CEP152: variants seen among roughly 807,000 people sequenced by gnomAD.
CEP152 encodes centrosomal protein 152.
CEP152 carries 132 observed loss-of-function variants against 188.9 expected under a neutral mutation model. The ratio of observed to expected loss-of-function variants is 0.70; its 90% CI spans 0.61 to 0.81. The LOEUF is 0.81. Ranked by LOEUF, CEP152 falls within the 30% of genes least tolerant of loss-of-function variation. The pLI is 0.00. For synonymous variants in CEP152, 649 were observed against 666.6 expected, an observed-to-expected ratio of 0.97 and a Z score of 0.41; for missense variants, 1,914 against 1,969.8, an observed-to-expected ratio of 0.97 and a Z score of 0.54.
intron 9 of CEP152, among the ~76,000 whole-genome samples, chr15:48,784,638 T>G (rs1896503742): frequency 6.6e-6 from 1 of 152,212 alleles, no homozygotes. Flanking sequence ...TCTGAAATTC[T>G]TTTAAACTTG....
rs754218216 is a variant in CEP152, at chr15:48,738,351, T to G, written c.5031A>C (p.Thr1677=). Reference sequence around the variant, plus strand: ...GCTGCTGACACACTGAAGATGGTAATGTACTGCTCAGTTTTTTGAAATCTG... The same window carrying G: ...GCTGCTGACACACTGAAGATGGTAAGGTACTGCTCAGTTTTTTGAAATCTG... The part of the protein sequence containing the change: ...LKSDFKKLSS[T]LPSSVCQQPS... The change falls in exon 27 of 27, where the codon ACA becomes ACC. Residue 1677 remains threonine (T), a synonymous_variant. Coordinates refer to ENST00000380950, the MANE Select transcript of CEP152 (RefSeq NM_001194998.2). 3.1e-6 allele frequency: 5 copies of G among 1,614,066 alleles called. No individual in the cohort carries two copies. In the African/African-American group the frequency reaches 6.7e-5, roughly 22 times the overall value.
chr15:48,747,361 C>T (rs1893522348), intron 22 of CEP152, among the ~76,000 whole-genome samples: 1 of 152,088 alleles, frequency 6.6e-6, no homozygotes, highest in Non-Finnish European at 1.5e-5. Context: ...ATGTGGTGGG[C>T]ACCATGGCTA....
rs765317927 is a variant in CEP152 at position 48,760,236 on chromosome 15, G to T, written c.2593C>A (p.Arg865=). 44 of 1,613,900 alleles carry T rather than the reference G, an allele frequency of 2.7e-5. No individual in the cohort carries two copies. The highest frequency in any genetic ancestry group is 5.9e-6 in the Non-Finnish European group (7 of 1,179,958). ...VEIAVQNAHQ[R]WLGELPELAE... is the part of the protein sequence containing the mutation. ...AGCTCTGGTAGTTCTCCCAGCCATC[G>T]CTGATGAGCATTTTGCACAGCTATT... Residue 865 remains arginine, a synonymous_variant, in exon 19 of 27, where the codon CGA becomes AGA. Coordinates refer to ENST00000380950, the MANE Select transcript of CEP152 (RefSeq NM_001194998.2).
At chr15:48,752,584 C>T in intron 20 of CEP152, 115 bp from the exon 21 acceptor site, 2 of 1,479,612 alleles carry the variant, frequency 1.4e-6, no homozygotes, top group Non-Finnish European at 1.8e-6. Context: ...AAAATCTTGC[C>T]TGAACTATCT....
intron 10 of CEP152, 68 bp from the exon 11 acceptor site, chr15:48,782,298 A>T: frequency 7.4e-7 from 1 of 1,344,082 alleles, no homozygotes; most frequent in South Asian, 1.2e-5. Flanking sequence ...GATCTACAGA[A>T]GACTTGAATC....
chr15:48,748,526 T>A lies in CEP152; in HGVS notation c.3551A>T (p.Asp1184Val). ...ELEKAKQECQ[D>V]LKGKLEKCCR... ...GCATTTCTCCAGTTTTCCTTTCAGA[T>A]CTTGACATTCCTGCTTTGCCTTTTC... Residue 1184 changes from aspartate (D) to valine (V), a missense_variant, in exon 22 of 27, where the codon GAT becomes GTT. Physicochemically the swap from Asp to Val is radical, Grantham distance 152. Transcript: ENST00000380950. 1 of 1,535,208 alleles carries A rather than the reference T, an allele frequency of 6.5e-7. No individual in the cohort carries two copies. The highest frequency in any genetic ancestry group is 8.7e-7 in the Non-Finnish European group (1 of 1,146,388).
At chr15:48,730,481 T>C (rs1233927207) in intron 2 of CEP152, among the ~76,000 whole-genome samples, 1 of 152,154 alleles carries the variant, frequency 6.6e-6, no homozygotes, top group Non-Finnish European at 1.5e-5. Context: ...TGTGCATATG[T>C]AGGGAAAACC....
chr15:48,745,925 CCAATATAAATGTGAA>C (rs1488805442), intron 22 of CEP152, among the ~76,000 whole-genome samples: 10 of 152,090 alleles, frequency 6.6e-5, no homozygotes, highest in Non-Finnish European at 1.2e-4. Context: ...CCTGGAAATA[CCAATATAAATGTGAA>C]CATGGCATCT....
At position 48,744,310 on chromosome 15, in the gene CEP152, G is replaced by A. The variant is rs1388696036; in HGVS notation, c.3765C>T (p.Cys1255=). 4 of 1,613,952 alleles carry A rather than the reference G, an allele frequency of 2.5e-6. No individual in the cohort carries two copies. In the South Asian group the frequency reaches 4.4e-5, roughly 18 times the overall value. Residue 1255 remains cysteine, a synonymous_variant, in exon 24 of 27, where the codon TGC becomes TGT. Transcript: ENST00000380950. ...CCAAGGCTCCCCCACTGCATGGCAG[G>A]CAAGCATTTTCAATGGCCCCTGCTG... ...SLSAGAIENA[C]LPCSGGALEE... is the part of the protein sequence containing the mutation.
At chr15:48,770,174 T>C (rs1050569835) in intron 13 of CEP152, among the ~76,000 whole-genome samples, 2 of 152,192 alleles carry the variant, frequency 1.3e-5, no homozygotes, top group Non-Finnish European at 2.9e-5. Flanking sequence ...TCACTTGTTG[T>C]GTACCTGGAC....
intron 22 of CEP152, among the ~76,000 whole-genome samples, chr15:48,745,565 A>C (rs1893343681): frequency 6.6e-6 from 1 of 152,058 alleles, no homozygotes; most frequent in Non-Finnish European, 1.5e-5. Context: ...ATTAGTTCTT[A>C]CAGGTTTTGG....
intron 5 of CEP152, among the ~76,000 whole-genome samples, chr15:48,796,405 C>G (rs1357601681): frequency 1.3e-5 from 2 of 151,828 alleles, no homozygotes; most frequent in Admixed American, 6.6e-5. Flanking sequence ...TTTATAGACA[C>G]CTAAATTCTA....
In CEP152 at chr15:48,781,357, T is replaced by C; in HGVS notation, c.1416A>G (p.Glu472=). 4 of 1,591,768 alleles carry C rather than the reference T, an allele frequency of 2.5e-6. No homozygotes were observed. Among genetic ancestry groups the C allele is most frequent in the Non-Finnish European group, 3.4e-6 (4 of 1,161,068 alleles). Residue 472 remains glutamate (E), a splice_region_variant and synonymous_variant, in exon 12 of 27, where the codon GAA becomes GAG. Coordinates refer to ENST00000380950, the MANE Select transcript of CEP152 (RefSeq NM_001194998.2). ...TTTCATCTTTTAGTTCTGTTAATTC[T>C]TCCTACAACACAAAATTATTAAAAA... ...MSANMNKALQ[E]ELTELKDEIS...
intron 12 of CEP152, among the ~76,000 whole-genome samples, chr15:48,779,080 A>G (rs770253762): frequency 6.6e-6 from 1 of 152,244 alleles, no homozygotes; most frequent in Non-Finnish European, 1.5e-5. Context: ...AACATACATA[A>G]TGTATTATTT....
intron 19 of CEP152, among the ~76,000 whole-genome samples, chr15:48,757,632 A>G (rs764396115): frequency 6.6e-5 from 10 of 152,208 alleles, no homozygotes; most frequent in Non-Finnish European, 1.5e-4. Flanking sequence ...AGAACTGGGC[A>G]TCTCCAAAGG....
intron 19 of CEP152, among the ~76,000 whole-genome samples, 158 bp downstream of exon 19, chr15:48,759,977 G>A (rs1416616754): frequency 6.6e-6 from 1 of 152,226 alleles, no homozygotes; most frequent in African/African-American, 2.4e-5. Flanking sequence ...ACTTGATGAT[G>A]ACAAGAACAC....
At chr15:48,780,738 C>T (rs1896189669) in intron 12 of CEP152, among the ~76,000 whole-genome samples, 1 of 152,182 alleles carries the variant, frequency 6.6e-6, no homozygotes, top group South Asian at 2.1e-4. Context: ...TTCTTTCTCC[C>T]TGACCAGAAA....
intron 17 of CEP152, among the ~76,000 whole-genome samples, chr15:48,762,989 T>A (rs904649665): frequency 2.0e-4 from 29 of 147,528 alleles, no homozygotes; most frequent in African/African-American, 4.7e-4. Context: ...TGGCAGGATT[T>A]AAAAAAAAAA....
At chr15:48,742,156 A>C in intron 24 of CEP152, 56 bp from the exon 25 acceptor site, 2 of 1,516,796 alleles carry the variant, frequency 1.3e-6, no homozygotes, top group Non-Finnish European at 1.8e-6. Flanking sequence ...ACTTTTTCAG[A>C]AACAGGAGGG....
Sources: gnomAD v4.1 joint callset for allele counts (sites outside exome capture counted in the v4.1 genomes callset) on GRCh38, gnomAD v4.1.1 for gene constraint, MANE v1.5 for transcripts, NCBI Gene and HGNC (gene_info 2026-07-23, HGNC 2026-07-21) for gene names.